AP2A1: variants seen among roughly 807,000 people sequenced by gnomAD.
The protein encoded by AP2A1 is AP-2 complex subunit alpha-1.
In AP2A1, 21 loss-of-function variants were observed where a neutral mutation model predicts 107.3. That is an observed-to-expected ratio of 0.20 (90% CI 0.14 to 0.28). The LOEUF (loss-of-function observed/expected upper bound fraction) is 0.28, where lower values mean the gene tolerates loss of function less well. Among genes scored for constraint, AP2A1 ranks in the 10% least tolerant of loss-of-function variants. The probability of loss-of-function intolerance (pLI) is 1.00; values close to 1 mark genes in which losing one functional copy is unlikely to be tolerated. For synonymous variants in AP2A1, 602 were observed against 564.8 expected (o/e 1.07, Z -0.93); for missense variants, 873 against 1,307.7 (o/e 0.67, Z 5.13).
intron 10 of AP2A1, 88 bp downstream of exon 10, chr19:49,799,854 G>T: frequency 1.3e-6 from 2 of 1,559,272 alleles, no homozygotes; most frequent in Non-Finnish European, 1.7e-6. Flanking sequence ...GGGAGGAGGG[G>T]CTGGGGCCTG....
intron 22 of AP2A1, 80 bp downstream of exon 22, chr19:49,806,333 T>C: frequency 6.8e-7 from 1 of 1,465,586 alleles, no homozygotes; most frequent in Non-Finnish European, 9.0e-7. Context: ...GCCTCACTGT[T>C]CTTTAATTCA....
chr19:49,781,921 C>T, intron 2 of AP2A1, 26 bp from the exon 3 acceptor site: 2 of 1,606,998 alleles, frequency 1.2e-6, no homozygotes, highest in Non-Finnish European at 1.7e-6. Context: ...ATTTCTGGCT[C>T]CCCTTTCCTC....
intron 1 of AP2A1, among the ~76,000 whole-genome samples, chr19:49,774,698 G>A (rs975393403): frequency 1.8e-4 from 26 of 147,432 alleles, no homozygotes; most frequent in African/African-American, 5.5e-4. Context: ...CGAGGCAGGC[G>A]GATCACGAGG....
chr19:49,778,281 G>A (rs988342199), intron 1 of AP2A1, among the ~76,000 whole-genome samples: 2 of 152,126 alleles, frequency 1.3e-5, no homozygotes, highest in African/African-American at 2.4e-5. Flanking sequence ...TGTTGCTGCT[G>A]GGCTGTAAAC....
chr19:49,805,214 CTAT>C, intron 18 of AP2A1: 2 of 473,340 alleles, frequency 4.2e-6, no homozygotes, highest in Admixed American at 3.6e-5. Flanking sequence ...AGAGCTAATA[CTAT>C]TATGTCTCAG....
intron 4 of AP2A1, 164 bp from the exon 5 acceptor site, chr19:49,791,771 G>A: frequency 1.3e-6 from 1 of 760,632 alleles, no homozygotes; most frequent in South Asian, 1.8e-5. Flanking sequence ...CTGAGTCCTG[G>A]TGGGCCGTGA....
rs545861843 is a variant in AP2A1 at position 49,767,074 on chromosome 19, G to A, written c.-60G>A. On this transcript the variant is annotated 5_prime_UTR_variant, in exon 1 of 23. Coordinates refer to ENST00000354293, the MANE Select transcript of AP2A1 (RefSeq NM_130787.3). ...GGTCCTTTCCGCCCGGTCCCCGCTTGCCAGCCCCCGCTGCTCTGTGCCCTG... is the reference window on the plus strand; with the variant it reads ...GGTCCTTTCCGCCCGGTCCCCGCTTACCAGCCCCCGCTGCTCTGTGCCCTG... 2.6e-5 allele frequency: 40 copies of A among 1,555,124 alleles called. No homozygotes were observed. In the African/African-American group the frequency reaches 5.3e-4, roughly 21 times the overall value.
intron 1 of AP2A1, among the ~76,000 whole-genome samples, chr19:49,777,797 C>T (rs1003650716): frequency 1.1e-4 from 17 of 149,448 alleles, no homozygotes; most frequent in Non-Finnish European, 1.9e-4. Context: ...AGTGTGGTGG[C>T]GCACCTCACA....
chr19:49,792,941 A>G, intron 5 of AP2A1, 50 bp from the exon 6 acceptor site: 1 of 1,492,106 alleles, frequency 6.7e-7, no homozygotes, highest in Non-Finnish European at 9.2e-7. Flanking sequence ...CTCTGCTCTC[A>G]GGTACCACCT....
chr19:49,798,395 C>T (rs1278467411), intron 7 of AP2A1, among the ~76,000 whole-genome samples: 2 of 152,060 alleles, frequency 1.3e-5, no homozygotes, highest in Admixed American at 6.6e-5. Flanking sequence ...AGGGGCTGCT[C>T]AGCACTCACA....
chr19:49,789,188 G>GTGC (rs1234361276), intron 4 of AP2A1, among the ~76,000 whole-genome samples: 1 of 152,102 alleles, frequency 6.6e-6, no homozygotes, highest in Non-Finnish European at 1.5e-5. Flanking sequence ...TGTCTGTTGG[G>GTGC]TGCTTTCTGG....
intron 1 of AP2A1, among the ~76,000 whole-genome samples, chr19:49,772,246 GTTTTTTTTTTTTT>G (rs71180653): frequency 1.2e-4 from 7 of 56,154 alleles, no homozygotes; most frequent in Admixed American, 2.9e-4. Context: ...TTTTCATAGA[GTTTTTTTTTTTTT>G]TTTTTTTTTT....
chr19:49,787,354 GTTT>G (rs1175245045), intron 4 of AP2A1, among the ~76,000 whole-genome samples: 1 of 94,516 alleles, frequency 1.1e-5, no homozygotes, highest in African/African-American at 4.3e-5. Flanking sequence ...TTTGTTTTTT[GTTT>G]TTTTTTTTTT....
At chr19:49,800,290 C>T (rs1291195918) in intron 11 of AP2A1, 140 bp downstream of exon 11, 1 of 1,041,802 alleles carries the variant, frequency 9.6e-7, no homozygotes, top group Non-Finnish European at 1.4e-6. Flanking sequence ...GGGGCCTCTG[C>T]CTCTCTGGGC....
intron 1 of AP2A1, among the ~76,000 whole-genome samples, chr19:49,769,979 G>A (rs553426639): frequency 7.2e-5 from 11 of 152,012 alleles, no homozygotes; most frequent in African/African-American, 1.2e-4. Flanking sequence ...AGCAATTCTC[G>A]TGCCTCAGCC....
intron 1 of AP2A1, among the ~76,000 whole-genome samples, chr19:49,768,074 T>G (rs140181656): frequency 9.5e-4 from 144 of 151,824 alleles, no homozygotes; most frequent in African/African-American, 3.3e-3. Context: ...GGTTCTGAAG[T>G]GCTTGAGGGG....
chr19:49,805,614 C>T (rs764958273), intron 19 of AP2A1, 38 bp downstream of exon 19: 9 of 1,556,712 alleles, frequency 5.8e-6, no homozygotes, highest in Non-Finnish European at 7.8e-6. Flanking sequence ...GCGGAGCCTC[C>T]GGGGTGAGGG....
rs934301768 is a variant in AP2A1 at position 49,800,625 on chromosome 19, C to T, written c.1456-336C>T. The T allele has an allele frequency of 1.1e-5, 3 of 282,320 alleles. No individual in the cohort carries two copies. In the Admixed American group the frequency reaches 1.5e-4, roughly 14 times the overall value. 17.5% of individuals were successfully genotyped at this position (282,320 alleles called of 1,614,324 possible). On this transcript the variant is annotated intron_variant, in intron 11 of 22. Coordinates refer to ENST00000354293, the MANE Select transcript of AP2A1 (RefSeq NM_130787.3). Reference sequence around the variant, plus strand: ...CTGGTACTACAGGCACGCGCCACCACACCCAGCTAATTTGTTTGTATTTTT... The same window carrying T: ...CTGGTACTACAGGCACGCGCCACCATACCCAGCTAATTTGTTTGTATTTTT...
intron 1 of AP2A1, among the ~76,000 whole-genome samples, chr19:49,769,466 C>T (rs1433758166): frequency 6.6e-6 from 1 of 152,024 alleles, no homozygotes; most frequent in Admixed American, 6.6e-5. Flanking sequence ...GTGGAGCAAG[C>T]CCTGTGGATT....
Sources: gnomAD v4.1 joint callset for allele counts (sites outside exome capture counted in the v4.1 genomes callset) on GRCh38, gnomAD v4.1.1 for gene constraint, MANE v1.5 for transcripts, NCBI Gene and HGNC (gene_info 2026-07-23, HGNC 2026-07-21) for gene names.